ZNRF1: variants seen among roughly 807,000 people sequenced by gnomAD.
The protein encoded by ZNRF1 is E3 ubiquitin-protein ligase ZNRF1.
In ZNRF1, 3 loss-of-function variants were observed where a neutral mutation model predicts 18.4. The ratio of observed to expected loss-of-function variants is 0.16; its 90% CI spans 0.07 to 0.42. ZNRF1 has a LOEUF of 0.42. ZNRF1 is among the 10% of genes least tolerant of loss of function. ZNRF1 has a pLI of 0.99. For missense variants in ZNRF1, 310 were observed against 329.8 expected (o/e 0.94, Z 0.47); for synonymous variants, 157 against 144.2 (o/e 1.09, Z -0.64).
In ZNRF1 at chr16:74,999,048, GC is replaced by G. The variant is rs1026872336; in HGVS notation, c.-622del. On this transcript the variant is annotated 5_prime_UTR_variant, in exon 1 of 5. Coordinates refer to ENST00000335325, the MANE Select transcript of ZNRF1 (RefSeq NM_032268.5). Reference sequence around the variant, plus strand: ...CATTGTCTCCACGGCGGCGAGGAGCGCCGGCGAGCGCAGCCCGGGACCGAGC... The same window carrying G: ...CATTGTCTCCACGGCGGCGAGGAGCGCGGCGAGCGCAGCCCGGGACCGAGC... 24 of 150,580 alleles carry G rather than the reference GC, an allele frequency of 1.6e-4. No individual in the cohort carries two copies. Among genetic ancestry groups the G allele is most frequent in the African/African-American group, 5.8e-4 (24 of 41,204 alleles). The allele number at this position is 150,580 out of a possible 1,614,324, so 9.3% of individuals were successfully genotyped here.
intron 1 of ZNRF1, among the ~76,000 whole-genome samples, chr16:75,062,152 C>G (rs2035751807): frequency 6.6e-6 from 1 of 152,200 alleles, no homozygotes. Flanking sequence ...AGACAACTTA[C>G]AGAACTTGCT....
At chr16:75,091,190 C>T (rs971313329) in intron 1 of ZNRF1, among the ~76,000 whole-genome samples, 3 of 151,952 alleles carry the variant, frequency 2.0e-5, no homozygotes, top group African/African-American at 7.3e-5. Context: ...GAAACCTAGT[C>T]TCTCCTAAAA....
At position 75,050,904 on chromosome 16, in the gene ZNRF1, A is replaced by AAAAC. The variant is rs1567478947; in HGVS notation, c.425-42667_425-42666insAACA. On this transcript the variant is annotated intron_variant, in intron 1 of 4. Transcript: ENST00000335325. ...AAAAAAAAAACAAAAAAAAACAAAAAACTTGTAGCCAGGTACAGTGGCTCA... is the reference window on the plus strand; with the variant it reads ...AAAAAAAAAACAAAAAAAAACAAAAAAAACACTTGTAGCCAGGTACAGTGGCTCA... Among the ~76,000 whole-genome samples, 18 of 128,550 alleles carry AAAAC rather than the reference A, an allele frequency of 1.4e-4. 1 individual carries two copies. Among genetic ancestry groups the AAAAC allele is most frequent in the African/African-American group, 5.4e-4 (18 of 33,476 alleles). 84.3% of individuals were successfully genotyped at this position (128,550 alleles called of 152,430 possible).
chr16:75,051,028 A>G (rs1377441374), intron 1 of ZNRF1, among the ~76,000 whole-genome samples: 1 of 83,180 alleles, frequency 1.2e-5, no homozygotes, highest in African/African-American at 3.0e-5. Context: ...CCTTGTCGCT[A>G]CAAAAAGAAA....
intron 1 of ZNRF1, among the ~76,000 whole-genome samples, chr16:75,065,257 T>C (rs1434769076): frequency 1.3e-5 from 2 of 152,158 alleles, no homozygotes; most frequent in East Asian, 3.9e-4. Context: ...AACCCCGAGG[T>C]GCCTGCGGCT....
At chr16:75,079,427 C>T (rs1172235997) in intron 1 of ZNRF1, among the ~76,000 whole-genome samples, 1 of 152,164 alleles carries the variant, frequency 6.6e-6, no homozygotes, top group African/African-American at 2.4e-5. Flanking sequence ...TTGCGGGGAG[C>T]CGAGATCATG....
Position 75,091,374 on chromosome 16 carries a change from AAAG to A in ZNRF1, c.425-2195_425-2193del, listed in dbSNP as rs891905142. On this transcript the variant is annotated intron_variant, in intron 1 of 4. Transcript: ENST00000335325. ...ACTCCATCTCAAAAAAAAAAAAAGA[AAAG>A]AAAAGAAATATTGCAGATGGTTATC... Among the ~76,000 whole-genome samples, 158 of 151,232 alleles carry A rather than the reference AAAG, an allele frequency of 1.0e-3. 2 individuals carry two copies. Among genetic ancestry groups the A allele is most frequent in the Middle Eastern group, 3.4e-3 (1 of 292 alleles).
chr16:75,022,586 AAC>A (rs1343118051), intron 1 of ZNRF1, among the ~76,000 whole-genome samples: 1 of 152,122 alleles, frequency 6.6e-6, no homozygotes, highest in African/African-American at 2.4e-5. Context: ...CAAAACAAAA[AAC>A]ACAAATTAAT....
At chr16:75,010,537 T>G (rs978469992) in intron 1 of ZNRF1, among the ~76,000 whole-genome samples, 2 of 152,098 alleles carry the variant, frequency 1.3e-5, no homozygotes, top group African/African-American at 4.8e-5. Flanking sequence ...GAAATTTCAC[T>G]TCGTATTTAG....
At chr16:75,102,767 G>A (rs1159882788) in intron 2 of ZNRF1, among the ~76,000 whole-genome samples, 1 of 152,108 alleles carries the variant, frequency 6.6e-6, no homozygotes, top group East Asian at 1.9e-4. Context: ...CAGCTGGCCG[G>A]GCCTCCTCCC....
chr16:75,008,434 C>G (rs1329394037), intron 1 of ZNRF1, among the ~76,000 whole-genome samples: 1 of 152,026 alleles, frequency 6.6e-6, no homozygotes, highest in Non-Finnish European at 1.5e-5. Context: ...TTCTTTGGCT[C>G]TGGTGCTACA....
chr16:75,048,502 C>A (rs572232442), intron 1 of ZNRF1, among the ~76,000 whole-genome samples: 1 of 152,242 alleles, frequency 6.6e-6, no homozygotes, highest in South Asian at 2.1e-4. Flanking sequence ...TTGTTTTGTT[C>A]CTGACCATAG....
chr16:75,101,415 G>C (rs990126530), intron 2 of ZNRF1, among the ~76,000 whole-genome samples: 2 of 152,286 alleles, frequency 1.3e-5, no homozygotes, highest in East Asian at 3.9e-4. Context: ...TTAGCCGGGT[G>C]TGGTGGCATG....
chr16:75,028,702 T>C (rs2035257539), intron 1 of ZNRF1, among the ~76,000 whole-genome samples: 2 of 152,248 alleles, frequency 1.3e-5, no homozygotes, highest in African/African-American at 4.8e-5. Flanking sequence ...GTGTTTGCCC[T>C]CATCACTCAA....
At chr16:75,008,905 T>C (rs1236239548) in intron 1 of ZNRF1, among the ~76,000 whole-genome samples, 1 of 152,186 alleles carries the variant, frequency 6.6e-6, no homozygotes, top group Non-Finnish European at 1.5e-5. Context: ...TTGGGGCAGG[T>C]GATCTTTTCT....
intron 1 of ZNRF1, among the ~76,000 whole-genome samples, chr16:75,012,562 G>T (rs949729776): frequency 6.6e-6 from 1 of 152,160 alleles, no homozygotes; most frequent in African/African-American, 2.4e-5. Context: ...GGCGCCCAGA[G>T]GAGACGCCAC....
intron 1 of ZNRF1, among the ~76,000 whole-genome samples, chr16:75,060,751 T>G (rs1206487787): frequency 6.6e-6 from 1 of 152,142 alleles, no homozygotes; most frequent in African/African-American, 2.4e-5. Flanking sequence ...GTGCTGAGAT[T>G]ACAGGCGTGA....
Position 75,018,461 on chromosome 16 carries a change from C to A in ZNRF1, c.424+18366C>A, listed in dbSNP as rs181746728. On this transcript the variant is annotated intron_variant, in intron 1 of 4. Transcript: ENST00000335325. ...GCTGGCTAGTTCCTCCAGTAAAAAT[C>A]GTATTAGAATCTATGATCATGGGAA... 7.6e-4 allele frequency among the ~76,000 whole-genome samples: 115 copies of A among 152,138 alleles called. 1 individual carries two copies. Among genetic ancestry groups the A allele is most frequent in the African/African-American group, 2.6e-3 (110 of 41,520 alleles).
chr16:75,079,678 A>G (rs554382767), intron 1 of ZNRF1, among the ~76,000 whole-genome samples: 18 of 151,522 alleles, frequency 1.2e-4, no homozygotes, highest in Non-Finnish European at 2.2e-4. Context: ...TTTTGGAACA[A>G]CTCCATTCTA....
Sources: gnomAD v4.1 joint callset for allele counts (sites outside exome capture counted in the v4.1 genomes callset) on GRCh38, gnomAD v4.1.1 for gene constraint, MANE v1.5 for transcripts, NCBI Gene and HGNC (gene_info 2026-07-23, HGNC 2026-07-21) for gene names.